FRMD3: variants seen among roughly 807,000 people sequenced by gnomAD.
The protein encoded by FRMD3 is FERM domain containing 3.
Under a neutral mutation model 70.2 loss-of-function variants are expected in FRMD3, and 33 were observed. That is an observed-to-expected ratio of 0.47 (90% CI 0.36 to 0.63). FRMD3 has a LOEUF of 0.63. Among genes scored for constraint, FRMD3 ranks in the 20% least tolerant of loss-of-function variants. The pLI is 0.00. For missense variants in FRMD3, 632 were observed against 711.4 expected, an observed-to-expected ratio of 0.89 and a Z score of 1.27; for synonymous variants, 279 against 255.9, an observed-to-expected ratio of 1.09 and a Z score of -0.86.
At chr9:83,429,884 A>G (rs1032884056) in intron 1 of FRMD3, among the ~76,000 whole-genome samples, 2 of 152,106 alleles carry the variant, frequency 1.3e-5, no homozygotes, top group Admixed American at 1.3e-4. Context: ...CTCAAACTCA[A>G]TATCCAGACT....
chr9:83,395,429 C>T (rs1045819430), intron 1 of FRMD3, among the ~76,000 whole-genome samples: 9 of 152,114 alleles, frequency 5.9e-5, no homozygotes, highest in Admixed American at 3.9e-4. Flanking sequence ...TCTCATCACC[C>T]AGGTATTAAG....
chr9:83,336,355 C>A (rs1237180857), intron 5 of FRMD3, among the ~76,000 whole-genome samples: 2 of 150,928 alleles, frequency 1.3e-5, no homozygotes, highest in Non-Finnish European at 3.0e-5. Flanking sequence ...AAATTTAATG[C>A]CCCCGCCCCA....
intron 6 of FRMD3, among the ~76,000 whole-genome samples, chr9:83,325,531 C>T (rs1187028562): frequency 1.3e-5 from 2 of 151,670 alleles, no homozygotes; most frequent in South Asian, 2.1e-4. Flanking sequence ...CACCATGTTG[C>T]CCACGCTGGT....
At chr9:83,370,979 T>C (rs998302115) in intron 3 of FRMD3, among the ~76,000 whole-genome samples, 10 of 152,164 alleles carry the variant, frequency 6.6e-5, no homozygotes, top group African/African-American at 2.4e-4. Flanking sequence ...TCTTAAACGC[T>C]AAATTTCTCA....
At chr9:83,547,609 T>A in the FRMD3 span, among the ~76,000 whole-genome samples, 1 of 152,098 alleles carries the variant, frequency 6.6e-6, no homozygotes, top group Non-Finnish European at 1.5e-5. Context: ...AACAATCCAA[T>A]GACATCACTA....
intron 13 of FRMD3, among the ~76,000 whole-genome samples, chr9:83,266,665 C>A (rs1004662698): frequency 5.3e-5 from 8 of 152,170 alleles, no homozygotes; most frequent in African/African-American, 1.9e-4. Context: ...GTGTTGTGAT[C>A]ATCCATTCTG....
intron 1 of FRMD3, among the ~76,000 whole-genome samples, chr9:83,520,034 C>A (rs1035584853): frequency 6.6e-6 from 1 of 152,082 alleles, no homozygotes; most frequent in Non-Finnish European, 1.5e-5. Context: ...AGGAGAAATA[C>A]CTAATGTAGA....
At chr9:83,391,718 G>C (rs1422994040) in intron 1 of FRMD3, among the ~76,000 whole-genome samples, 1 of 152,180 alleles carries the variant, frequency 6.6e-6, no homozygotes, top group Non-Finnish European at 1.5e-5. Context: ...TGCTGCTGCA[G>C]ACAACGCAGT....
intron 6 of FRMD3, among the ~76,000 whole-genome samples, chr9:83,329,383 A>G (rs540499906): frequency 1.3e-5 from 2 of 152,350 alleles, no homozygotes; most frequent in African/African-American, 4.8e-5. Flanking sequence ...TTGGGGTTGT[A>G]AAATAACCAG....
chr9:83,436,881 C>T (rs983830021), intron 1 of FRMD3, among the ~76,000 whole-genome samples: 50 of 151,710 alleles, frequency 3.3e-4, no homozygotes, highest in African/African-American at 1.2e-3. Context: ...TCACAGCATA[C>T]CCCCTGGAAA....
intron 12 of FRMD3, among the ~76,000 whole-genome samples, chr9:83,295,823 T>C (rs1834638517): frequency 6.6e-6 from 1 of 152,238 alleles, no homozygotes; most frequent in South Asian, 2.1e-4. Context: ...CAGATGATTG[T>C]CACCCAGTGG....
At chr9:83,577,313 A>C in the FRMD3 span, among the ~76,000 whole-genome samples, 1 of 152,142 alleles carries the variant, frequency 6.6e-6, no homozygotes, top group East Asian at 1.9e-4. Flanking sequence ...CCAATTTCAT[A>C]AAAGCAATAG....
At chr9:83,322,014 T>C (rs763189943) in intron 6 of FRMD3, among the ~76,000 whole-genome samples, 3 of 152,020 alleles carry the variant, frequency 2.0e-5, no homozygotes, top group Non-Finnish European at 4.4e-5. Context: ...CTGGACATGG[T>C]TGCAGCCATG....
intron 1 of FRMD3, among the ~76,000 whole-genome samples, chr9:83,402,623 T>A (rs1192606475): frequency 6.6e-6 from 1 of 151,978 alleles, no homozygotes; most frequent in African/African-American, 2.4e-5. Flanking sequence ...GAAATGAAGA[T>A]AAGAGAAGGA....
chr9:83,317,096 C>T (rs1835611314), intron 6 of FRMD3, among the ~76,000 whole-genome samples: 1 of 151,710 alleles, frequency 6.6e-6, no homozygotes, highest in Non-Finnish European at 1.5e-5. Flanking sequence ...CACTGTCCTT[C>T]AGCCTGGGTG....
chr9:83,517,494 CAAAAAAAAAAAA>C (rs59178344), intron 1 of FRMD3, among the ~76,000 whole-genome samples: 4 of 65,540 alleles, frequency 6.1e-5, no homozygotes, highest in Middle Eastern at 0.014. Flanking sequence ...CCTACCAATC[CAAAAAAAAAAAA>C]AAAAAAAAAA....
chr9:83,412,626 G>A (rs17086234), intron 1 of FRMD3, among the ~76,000 whole-genome samples: 15,810 of 152,214 alleles, frequency 0.1, 871 homozygotes, highest in Admixed American at 0.14. Context: ...GGCTTTTGCC[G>A]CAACCAACCA....
intron 3 of FRMD3, among the ~76,000 whole-genome samples, chr9:83,364,602 G>C (rs1824729758): frequency 6.6e-6 from 1 of 151,472 alleles, no homozygotes; most frequent in East Asian, 1.9e-4. Flanking sequence ...AAGCATTCTA[G>C]TTCAAAAGTT....
intron 6 of FRMD3, among the ~76,000 whole-genome samples, chr9:83,332,479 C>T (rs977403364): frequency 5.3e-5 from 8 of 151,956 alleles, no homozygotes; most frequent in African/African-American, 1.7e-4. Flanking sequence ...CAGTCTGTAG[C>T]CTCCCAGAGA....
Sources: gnomAD v4.1 joint callset for allele counts (sites outside exome capture counted in the v4.1 genomes callset) on GRCh38, gnomAD v4.1.1 for gene constraint, MANE v1.5 for transcripts, NCBI Gene and HGNC (gene_info 2026-07-23, HGNC 2026-07-21) for gene names.